PARD3: variants seen among roughly 807,000 people sequenced by gnomAD.
PARD3 encodes partitioning defective 3 homolog.
In PARD3, 75 loss-of-function variants were observed where a neutral mutation model predicts 155.4. The observed-to-expected ratio is 0.48, with a 90% CI of 0.40 to 0.58. PARD3 has a LOEUF of 0.58. Among genes scored for constraint, PARD3 ranks in the 20% least tolerant of loss-of-function variants. PARD3 has a pLI of 0.00. For synonymous variants in PARD3, 576 were observed against 610.5 expected (o/e 0.94, Z 0.83); for missense variants, 1,642 against 1,721.7 (o/e 0.95, Z 0.82).
chr10:34,143,139 G>C (rs911441560), intron 22 of PARD3, among the ~76,000 whole-genome samples: 7 of 152,136 alleles, frequency 4.6e-5, no homozygotes, highest in Admixed American at 2.0e-4. Flanking sequence ...GGCCAACATG[G>C]TGAAACCCTG....
At chr10:34,346,950 T>C (rs1021907488) in intron 15 of PARD3, among the ~76,000 whole-genome samples, 14 of 152,256 alleles carry the variant, frequency 9.2e-5, no homozygotes, top group African/African-American at 3.4e-4. Flanking sequence ...AGGCAGAGAT[T>C]GCTTCTTACT....
chr10:34,464,925 G>C (rs1377208662), intron 4 of PARD3, among the ~76,000 whole-genome samples: 1 of 152,056 alleles, frequency 6.6e-6, no homozygotes, highest in Non-Finnish European at 1.5e-5. Flanking sequence ...TATCCATGGG[G>C]GACTGGTTCC....
intron 22 of PARD3, among the ~76,000 whole-genome samples, chr10:34,132,382 G>A (rs1947661753): frequency 9.0e-6 from 1 of 111,030 alleles, no homozygotes; most frequent in Admixed American, 1.5e-4. Context: ...AAGAAGATAA[G>A]TGGTTCATTT....
At chr10:34,403,994 C>T (rs1703644983) in intron 5 of PARD3, among the ~76,000 whole-genome samples, 1 of 152,076 alleles carries the variant, frequency 6.6e-6, no homozygotes, top group Admixed American at 6.5e-5. Context: ...TGTGAAACAG[C>T]CACATAAATG....
chr10:34,144,768 T>C (rs1948373784), intron 22 of PARD3, among the ~76,000 whole-genome samples: 1 of 152,196 alleles, frequency 6.6e-6, no homozygotes, highest in Non-Finnish European at 1.5e-5. Flanking sequence ...GCAAAATTTA[T>C]ATGAAAATGA....
intron 5 of PARD3, among the ~76,000 whole-genome samples, chr10:34,408,151 T>TA (rs1285336346): frequency 6.6e-6 from 1 of 152,104 alleles, no homozygotes; most frequent in South Asian, 2.1e-4. Flanking sequence ...TATAAAAACT[T>TA]AAAGTTATAC....
At position 34,378,587 on chromosome 10, in the gene PARD3, T is replaced by C. The variant is rs1308510427; in HGVS notation, c.1400-481A>G. On this transcript the variant is annotated intron_variant, in intron 9 of 24. Transcript: ENST00000374788. ...CAGTGAAATGAGAGGTATCTCTAGA[T>C]AGAGGTAATGGAACCTCCCAAAATC... 5.3e-5 allele frequency among the ~76,000 whole-genome samples: 8 copies of C among 152,314 alleles called. No homozygotes were observed. In the East Asian group the frequency reaches 1.4e-3, roughly 26 times the overall value.
At chr10:34,351,749 T>TA (rs1401507837) in intron 14 of PARD3, among the ~76,000 whole-genome samples, 8 of 152,246 alleles carry the variant, frequency 5.3e-5, no homozygotes, top group Non-Finnish European at 1.2e-4. Flanking sequence ...GCAACTGGGA[T>TA]ATAAAGTGCC....
intron 19 of PARD3, among the ~76,000 whole-genome samples, chr10:34,330,757 T>A (rs1589203339): frequency 6.6e-6 from 1 of 152,132 alleles, no homozygotes; most frequent in African/African-American, 2.4e-5. Context: ...AGAAATTACA[T>A]TTTTTACCAA....
intron 21 of PARD3, among the ~76,000 whole-genome samples, chr10:34,279,936 T>C (rs1404804133): frequency 6.6e-6 from 1 of 152,240 alleles, no homozygotes; most frequent in Non-Finnish European, 1.5e-5. Flanking sequence ...CTTTTACATA[T>C]TTCCACTAGA....
intron 22 of PARD3, among the ~76,000 whole-genome samples, chr10:34,163,235 C>T (rs1660620): frequency 0.58 from 87,979 of 151,824 alleles, 25,870 homozygotes; most frequent in African/African-American, 0.67. Flanking sequence ...CTTGTGTTCC[C>T]GGCCACTCCA....
At position 34,111,410 on chromosome 10, in the gene PARD3, G is replaced by C; in HGVS notation, c.3821C>G (p.Ala1274Gly). Residue 1274 changes from alanine (A) to glycine (G), a missense_variant, in exon 25 of 25, where the codon GCC becomes GGC. By Grantham distance (60) the Ala-to-Gly change is moderately conservative. Coordinates refer to ENST00000374788, the MANE Select transcript of PARD3 (RefSeq NM_001184785.2). The part of the protein sequence containing the change: ...NGYLGGHGFN[A>G]RVMLETQELL... ...CTCCTGAGTTTCCAGCATGACCCTG[G>C]CGTTGAAGCCATGTCCTCCCAGGTA... The C allele has an allele frequency of 1.2e-6, 2 of 1,614,160 alleles. No homozygotes were observed. Among genetic ancestry groups the C allele is most frequent in the Non-Finnish European group, 8.5e-7 (1 of 1,180,028 alleles).
chr10:34,170,919 A>G (rs1949756472), intron 22 of PARD3, among the ~76,000 whole-genome samples: 1 of 152,202 alleles, frequency 6.6e-6, no homozygotes, highest in Non-Finnish European at 1.5e-5. Flanking sequence ...AATGTGCTAG[A>G]CGCGGAATTC....
chr10:34,609,543 C>T (rs1233838700), intron 2 of PARD3, among the ~76,000 whole-genome samples: 1 of 152,010 alleles, frequency 6.6e-6, no homozygotes, highest in African/African-American at 2.4e-5. Context: ...TACTTACTTC[C>T]CTCTTTTTGT....
chr10:34,448,384 T>C (rs1471663170), intron 5 of PARD3, among the ~76,000 whole-genome samples: 1 of 148,260 alleles, frequency 6.7e-6, no homozygotes, highest in African/African-American at 2.5e-5. Context: ...CCACAGGGAG[T>C]TGGGTGTGGA....
At chr10:34,663,020 T>C (rs1163534776) in intron 2 of PARD3, among the ~76,000 whole-genome samples, 1 of 152,192 alleles carries the variant, frequency 6.6e-6, no homozygotes, top group Non-Finnish European at 1.5e-5. Flanking sequence ...TAGATGATGG[T>C]TACCAGAGGC....
intron 12 of PARD3, among the ~76,000 whole-genome samples, chr10:34,366,990 T>C (rs750135985): frequency 3.9e-5 from 6 of 152,196 alleles, no homozygotes; most frequent in Non-Finnish European, 8.8e-5. Flanking sequence ...AGATGCCAAA[T>C]ACATTTTGAA....
intron 2 of PARD3, among the ~76,000 whole-genome samples, chr10:34,562,784 A>G (rs1019579189): frequency 2.0e-5 from 3 of 151,842 alleles, no homozygotes. Context: ...TTCTAAGTAC[A>G]GTGTCTCACT....
intron 5 of PARD3, among the ~76,000 whole-genome samples, chr10:34,432,679 T>C (rs2076008090): frequency 6.6e-6 from 1 of 152,162 alleles, no homozygotes; most frequent in Non-Finnish European, 1.5e-5. Flanking sequence ...TAGGGACCAC[T>C]TCCCATCTCA....
Sources: gnomAD v4.1 joint callset for allele counts (sites outside exome capture counted in the v4.1 genomes callset) on GRCh38, gnomAD v4.1.1 for gene constraint, MANE v1.5 for transcripts, NCBI Gene and HGNC (gene_info 2026-07-23, HGNC 2026-07-21) for gene names.